The following PYM1 variants were observed in gnomAD, a reference collection of about 807,000 sequenced individuals.
PYM1 encodes the protein partner of Y14 and mago.
PYM1 carries 7 observed loss-of-function variants against 20.7 expected under a neutral mutation model. The ratio of observed to expected loss-of-function variants is 0.34; its 90% CI spans 0.19 to 0.64. The LOEUF (loss-of-function observed/expected upper bound fraction) is 0.64, where lower values mean the gene tolerates loss of function less well. PYM1 is among the 30% of genes least tolerant of loss of function. The probability of loss-of-function intolerance (pLI) is 0.74; values close to 1 mark genes in which losing one functional copy is unlikely to be tolerated. For missense variants in PYM1, 194 were observed against 250.0 expected (o/e 0.78, Z 1.51); for synonymous variants, 100 against 99.2 (o/e 1.01, Z -0.05).
At chr12:55,904,468 C>T (rs535409419) in intron 1 of PYM1, among the ~76,000 whole-genome samples, 7 of 150,594 alleles carry the variant, frequency 4.6e-5, no homozygotes, top group South Asian at 2.1e-4. Context: ...TGCTAGAGAG[C>T]GCCTGTAGTC....
intron 1 of PYM1, among the ~76,000 whole-genome samples, chr12:55,919,810 T>C (rs924486363): frequency 2.6e-5 from 4 of 151,160 alleles, no homozygotes; most frequent in African/African-American, 9.7e-5. Flanking sequence ...TGAGGCAGAA[T>C]AGCTTGAGCC....
At position 55,905,908 on chromosome 12, in the gene PYM1, GAT is replaced by G. The variant is rs1367737021; in HGVS notation, c.38-2430_38-2429del. On this transcript the variant is annotated intron_variant, in intron 1 of 2. Coordinates refer to ENST00000408946, the MANE Select transcript of PYM1 (RefSeq NM_032345.3). ...TATATATTATTATATATATCTAATA[GAT>G]ATATATATTATTATATATATCTAAT... Among the ~76,000 whole-genome samples, 10 of 105,754 alleles carry G rather than the reference GAT, an allele frequency of 9.5e-5. 1 individual carries two copies. Among genetic ancestry groups the G allele is most frequent in the Admixed American group, 3.2e-4 (3 of 9,440 alleles). 69.4% of individuals were successfully genotyped at this position (105,754 alleles called of 152,430 possible). A position where few individuals can be genotyped will look rare whatever the true frequency, so the allele number is the denominator to read the frequency against.
rs1374780924 is a variant in PYM1 at position 55,914,462 on chromosome 12, CT to C, written c.38-10983del. Reference sequence around the variant, plus strand: ...GATTGGGGACTGCTACTGTAAGAATCTTTTTAAGCTTTGTCATTTTCTCACA... The same window carrying C: ...GATTGGGGACTGCTACTGTAAGAATCTTTTAAGCTTTGTCATTTTCTCACA... On this transcript the variant is annotated intron_variant, in intron 1 of 2. Transcript: ENST00000408946. The C allele has an allele frequency of 4.6e-6, 3 of 649,206 alleles. No homozygotes were observed. The African/African-American group carries it at 5.5e-5, about 12-fold the overall frequency. The allele number at this position is 649,206 out of a possible 1,614,324, so 40.2% of individuals were successfully genotyped here.
chr12:55,925,468 G>A (rs887165052), intron 1 of PYM1, among the ~76,000 whole-genome samples: 46 of 152,172 alleles, frequency 3.0e-4, no homozygotes, highest in African/African-American at 1.1e-3. Context: ...AAAGTCGACC[G>A]TCTCATGCTG....
chr12:55,916,557 G>A (rs1255193960), intron 1 of PYM1, among the ~76,000 whole-genome samples: 3 of 152,008 alleles, frequency 2.0e-5, no homozygotes, highest in African/African-American at 7.2e-5. Flanking sequence ...CAGTACTTTG[G>A]GAGGCAGAGG....
intron 1 of PYM1, among the ~76,000 whole-genome samples, chr12:55,916,939 C>A (rs959224691): frequency 6.6e-6 from 1 of 151,766 alleles, no homozygotes. Flanking sequence ...GGTGAAACCT[C>A]TTCTCTACAA....
At chr12:55,903,111 A>G (rs1882725648) in intron 2 of PYM1, among the ~76,000 whole-genome samples, 1 of 152,028 alleles carries the variant, frequency 6.6e-6, no homozygotes, top group South Asian at 2.1e-4. Flanking sequence ...TCCCTCCCCA[A>G]CTTTCCTCTG....
At chr12:55,911,837 A>G (rs1882928728) in intron 1 of PYM1, among the ~76,000 whole-genome samples, 1 of 150,492 alleles carries the variant, frequency 6.6e-6, no homozygotes, top group African/African-American at 2.4e-5. Flanking sequence ...GCGAAACTCC[A>G]TCAAGAAAAG....
In PYM1 at chr12:55,927,879, C is replaced by A; in HGVS notation, c.-118G>T. The A allele has an allele frequency of 7.5e-7, 1 of 1,337,026 alleles. No homozygotes were observed. Among genetic ancestry groups the A allele is most frequent in the East Asian group, 2.6e-5 (1 of 38,654 alleles). 82.8% of individuals were successfully genotyped at this position (1,337,026 alleles called of 1,614,324 possible). A position where few individuals can be genotyped will look rare whatever the true frequency, so the allele number is the denominator to read the frequency against. ...GGGCCCTAGTTGCTTCTCGCCCAGA[C>A]CTCCTAACCCTGAGTGCCTCCTCGG... On this transcript the variant is annotated 5_prime_UTR_variant, in exon 1 of 3. Transcript: ENST00000408946.
At chr12:55,906,997 A>G (rs2136259201) in intron 1 of PYM1, among the ~76,000 whole-genome samples, 1 of 152,018 alleles carries the variant, frequency 6.6e-6, no homozygotes, top group African/African-American at 2.4e-5. Context: ...AAAGACATGT[A>G]GTCTGTGTAC....
At chr12:55,921,716 A>C (rs1184213382) in intron 1 of PYM1, among the ~76,000 whole-genome samples, 1 of 150,512 alleles carries the variant, frequency 6.6e-6, no homozygotes, top group East Asian at 1.9e-4. Context: ...AAAAAACTAA[A>C]AGAGTTCCCA....
At chr12:55,919,280 T>C (rs899354822) in intron 1 of PYM1, among the ~76,000 whole-genome samples, 2 of 152,254 alleles carry the variant, frequency 1.3e-5, no homozygotes, top group Middle Eastern at 3.4e-3. Flanking sequence ...TCCCAAGTAG[T>C]TGGGACTACA....
intron 1 of PYM1, among the ~76,000 whole-genome samples, chr12:55,912,178 A>C (rs1300323391): frequency 6.6e-6 from 1 of 151,524 alleles, no homozygotes; most frequent in African/African-American, 2.4e-5. Context: ...GTGAAACCCT[A>C]TCTCTACGAA....
chr12:55,901,671 GA>G lies in PYM1; in HGVS notation c.*200del. ...TTTTGAACACTGGGAATGGGAGGGG[GA>G]AAGTCCAAAAAGTAGAAGTTGGGAA... On this transcript the variant is annotated 3_prime_UTR_variant, in exon 3 of 3. Coordinates refer to ENST00000408946, the MANE Select transcript of PYM1 (RefSeq NM_032345.3). The G allele has an allele frequency of 1.4e-6, 1 of 707,026 alleles. No homozygotes were observed. The highest frequency in any genetic ancestry group is 2.2e-6 in the Non-Finnish European group (1 of 450,702). 43.8% of individuals were successfully genotyped at this position (707,026 alleles called of 1,614,324 possible).
At chr12:55,927,065 C>A in intron 1 of PYM1, 1 of 1,504,726 alleles carries the variant, frequency 6.6e-7, no homozygotes. Flanking sequence ...CTCCGCGCCT[C>A]CCGCACTCAC....
chr12:55,907,979 C>G (rs1387881187), intron 1 of PYM1, among the ~76,000 whole-genome samples: 1 of 151,186 alleles, frequency 6.6e-6, no homozygotes, highest in Non-Finnish European at 1.5e-5. Context: ...CATGGTGGCT[C>G]ATGCCTGTAA....
intron 1 of PYM1, among the ~76,000 whole-genome samples, chr12:55,912,815 T>C (rs933618892): frequency 1.3e-5 from 2 of 151,014 alleles, no homozygotes; most frequent in South Asian, 4.2e-4. Context: ...AATACAAAAA[T>C]TAGCAGGTCA....
chr12:55,915,213 T>TAAAAAAAAAA (rs1174981358), intron 1 of PYM1, among the ~76,000 whole-genome samples: 5 of 48,970 alleles, frequency 1.0e-4, no homozygotes, highest in Non-Finnish European at 9.9e-5. Flanking sequence ...AGACTCTGCC[T>TAAAAAAAAAA]AAAAAAAAAA....
intron 1 of PYM1, among the ~76,000 whole-genome samples, chr12:55,911,265 C>T (rs1453202663): frequency 6.6e-6 from 1 of 152,070 alleles, no homozygotes; most frequent in African/African-American, 2.4e-5. Context: ...TGTGCCACCA[C>T]GTCCGGCTAA....
Sources: allele counts gnomAD v4.1 joint callset (sites outside exome capture counted in the v4.1 genomes callset), GRCh38; gene constraint gnomAD v4.1.1; transcripts MANE v1.5; gene names NCBI Gene and HGNC (gene_info 2026-07-23, HGNC 2026-07-21).